Variants in IQGAP2 observed in about 807,000 individuals in gnomAD.
IQGAP2 encodes IQ motif containing GTPase activating protein 2.
A neutral mutation model predicts 201.3 loss-of-function variants in IQGAP2; 173 were observed. That is an observed-to-expected ratio of 0.86 (90% CI 0.76 to 0.98). The LOEUF (loss-of-function observed/expected upper bound fraction) is 0.98. Among genes scored for constraint, IQGAP2 ranks in the 50% least tolerant of loss-of-function variants. IQGAP2 has a pLI of 0.00. For synonymous variants in IQGAP2, 675 were observed against 673.9 expected, an observed-to-expected ratio of 1.00 and a Z score of -0.03; for missense variants, 1,687 against 1,864.8, an observed-to-expected ratio of 0.90 and a Z score of 1.76.
At chr5:76,533,882 T>C (rs1478098259) in intron 2 of IQGAP2, among the ~76,000 whole-genome samples, 1 of 152,204 alleles carries the variant, frequency 6.6e-6, no homozygotes, top group Non-Finnish European at 1.5e-5. Context: ...GATTTGTAAT[T>C]CTTTATATAT....
At chr5:76,591,239 A>G (rs1428245835) in intron 8 of IQGAP2, among the ~76,000 whole-genome samples, 1 of 152,238 alleles carries the variant, frequency 6.6e-6, no homozygotes, top group East Asian at 1.9e-4. Flanking sequence ...ACCTTACATT[A>G]GCCAAGTTAC....
At chr5:76,493,680 G>A (rs1756705412) in intron 2 of IQGAP2, among the ~76,000 whole-genome samples, 1 of 152,094 alleles carries the variant, frequency 6.6e-6, no homozygotes, top group Admixed American at 6.5e-5. Flanking sequence ...GCTCTTTAAG[G>A]CAGGAATCAG....
At chr5:76,573,691 A>G (rs976730036) in intron 4 of IQGAP2, among the ~76,000 whole-genome samples, 9 of 152,092 alleles carry the variant, frequency 5.9e-5, no homozygotes, top group African/African-American at 2.2e-4. Flanking sequence ...GGCTCACTGC[A>G]ATCTTCGCCT....
At chr5:76,547,919 T>C (rs1273788057) in intron 2 of IQGAP2, among the ~76,000 whole-genome samples, 1 of 152,214 alleles carries the variant, frequency 6.6e-6, no homozygotes, top group Non-Finnish European at 1.5e-5. Flanking sequence ...CTGGAAGACA[T>C]TGGATCTCAT....
At position 76,695,445 on chromosome 5, in the gene IQGAP2, T is replaced by G; in HGVS notation, c.3994-9T>G. ...GAGAAAACTCAGCATCTTGATATTC[T>G]CTTTTCAGGAGGTAGACCATGCCAC... On this transcript the variant is annotated splice_polypyrimidine_tract_variant and intron_variant, in intron 31 of 35. Transcript: ENST00000274364. 6.2e-7 allele frequency: 1 copy of G among 1,611,784 alleles called. No homozygotes were observed. The highest frequency in any genetic ancestry group is 1.1e-5 in the South Asian group (1 of 91,008).
At position 76,441,808 on chromosome 5, in the gene IQGAP2, C is replaced by T. The variant is rs944933255; in HGVS notation, c.47-19762C>T. 9.9e-5 allele frequency among the ~76,000 whole-genome samples: 15 copies of T among 152,272 alleles called. No homozygotes were observed. In the South Asian group the frequency reaches 1.2e-3, roughly 13 times the overall value. On this transcript the variant is annotated intron_variant, in intron 1 of 35. Coordinates refer to ENST00000274364, the MANE Select transcript of IQGAP2 (RefSeq NM_006633.5). ...GCAAGAATGAGAAATCCCCCTGTGC[C>T]ATCCATAAAGAGGGCATTCAAAGCC... is the stretch of plus-strand genomic sequence containing the variant.
intron 4 of IQGAP2, among the ~76,000 whole-genome samples, chr5:76,571,657 T>C (rs1286086880): frequency 2.0e-5 from 3 of 152,276 alleles, no homozygotes; most frequent in Middle Eastern, 3.4e-3. Flanking sequence ...GTGGAGGAAA[T>C]GAGGAAATAA....
intron 13 of IQGAP2, among the ~76,000 whole-genome samples, chr5:76,623,936 C>CTTTTTTTTTTTTTTTTTTTTT (rs368076875): frequency 3.0e-5 from 3 of 100,782 alleles, no homozygotes; most frequent in Non-Finnish European, 5.6e-5. Context: ...TTTGTTCAGG[C>CTTTTTTTTTTTTTTTTTTTTT]TTTTTTTTTT....
intron 2 of IQGAP2, among the ~76,000 whole-genome samples, chr5:76,520,674 G>A (rs1758614521): frequency 6.8e-6 from 1 of 147,706 alleles, no homozygotes. Flanking sequence ...AGATCTTCAA[G>A]TCCATGAACA....
At chr5:76,566,486 A>G (rs1262046139) in intron 3 of IQGAP2, among the ~76,000 whole-genome samples, 1 of 152,138 alleles carries the variant, frequency 6.6e-6, no homozygotes, top group Middle Eastern at 3.2e-3. Flanking sequence ...GTGGTGGAAG[A>G]TGAGGCCAGG....
At chr5:76,598,292 C>G (rs1747181271) in intron 10 of IQGAP2, among the ~76,000 whole-genome samples, 1 of 152,032 alleles carries the variant, frequency 6.6e-6, no homozygotes, top group Non-Finnish European at 1.5e-5. Flanking sequence ...AAATTTTCAA[C>G]ATAAAATGTT....
At position 76,461,654 on chromosome 5, in the gene IQGAP2, T is replaced by G; in HGVS notation, c.131T>G (p.Leu44Ter). 6.2e-7 allele frequency: 1 copy of G among 1,612,854 alleles called. No homozygotes were observed. Among genetic ancestry groups the G allele is most frequent in the Non-Finnish European group, 8.5e-7 (1 of 1,178,866 alleles). Residue 44 changes from leucine to a stop codon, truncating the protein, a stop_gained, in exon 2 of 36, where the codon TTA (leucine) becomes TGA (stop). Coordinates refer to ENST00000274364, the MANE Select transcript of IQGAP2 (RefSeq NM_006633.5). LOFTEE classifies it high-confidence loss of function. ...QNIAYEYLCH[L>*]EEAKRWMEVC... Reference sequence around the variant, plus strand: ...ATTGCTTATGAATATCTGTGCCACTTAGAGGAAGCCAAAAGGTAAGATCCA... The same window carrying G: ...ATTGCTTATGAATATCTGTGCCACTGAGAGGAAGCCAAAAGGTAAGATCCA...
chr5:76,679,883 A>G (rs1745131966), intron 28 of IQGAP2, among the ~76,000 whole-genome samples: 1 of 152,246 alleles, frequency 6.6e-6, no homozygotes, highest in African/African-American at 2.4e-5. Context: ...ACTATAGTGA[A>G]AAACTAGCCT....
rs181505471 is a variant in IQGAP2, at chr5:76,668,598, A to G, written c.2680-83A>G. On this transcript the variant is annotated intron_variant, in intron 22 of 35. Transcript: ENST00000274364. ...TTAAGTCATTGAAGAGCAGGGAATC[A>G]GATACTGCTTTGTGCTTTAATAATA... The G allele has an allele frequency of 8.2e-6, 9 of 1,091,232 alleles. No homozygotes were observed. In the Admixed American group the frequency reaches 2.1e-4, roughly 26 times the overall value. 67.6% of individuals were successfully genotyped at this position (1,091,232 alleles called of 1,614,324 possible). A position where few individuals can be genotyped will look rare whatever the true frequency, so the allele number is the denominator to read the frequency against.
chr5:76,637,028 C>T lies in IQGAP2; in HGVS notation c.1781-6C>T, dbSNP rs374703790. On this transcript the variant is annotated splice_polypyrimidine_tract_variant and splice_region_variant and intron_variant, in intron 15 of 35. Coordinates refer to ENST00000274364, the MANE Select transcript of IQGAP2 (RefSeq NM_006633.5). ...TGTGTAGAATTTAACAAACTTTTTT[C>T]TTTAGTGTCTAGTGACGGTTCATGG... 3 of 1,587,620 alleles carry T rather than the reference C, an allele frequency of 1.9e-6. No individual in the cohort carries two copies. The highest frequency in any genetic ancestry group is 1.4e-5 in the African/African-American group (1 of 73,332).
At chr5:76,629,407 C>T (rs1750518474) in intron 14 of IQGAP2, among the ~76,000 whole-genome samples, 1 of 152,146 alleles carries the variant, frequency 6.6e-6, no homozygotes, top group African/African-American at 2.4e-5. Flanking sequence ...TATGTTACCA[C>T]CAGCAAAATT....
chr5:76,491,555 C>T (rs1190099098), intron 2 of IQGAP2, among the ~76,000 whole-genome samples: 1 of 152,100 alleles, frequency 6.6e-6, no homozygotes, highest in Non-Finnish European at 1.5e-5. Flanking sequence ...CCTCCCACCT[C>T]GGCCTCCCAA....
At chr5:76,433,150 T>G (rs1264145892) in intron 1 of IQGAP2, among the ~76,000 whole-genome samples, 2 of 152,244 alleles carry the variant, frequency 1.3e-5, no homozygotes, top group Non-Finnish European at 2.9e-5. Flanking sequence ...TCACGTTTAC[T>G]CTGATGGTTA....
intron 5 of IQGAP2, among the ~76,000 whole-genome samples, chr5:76,584,176 A>T (rs962251240): frequency 6.6e-6 from 1 of 152,130 alleles, no homozygotes; most frequent in Non-Finnish European, 1.5e-5. Flanking sequence ...CCAGCCGAGA[A>T]AAATATTTTT....
Sources: gnomAD v4.1 joint callset for allele counts (sites outside exome capture counted in the v4.1 genomes callset) on GRCh38, gnomAD v4.1.1 for gene constraint, MANE v1.5 for transcripts, NCBI Gene and HGNC (gene_info 2026-07-23, HGNC 2026-07-21) for gene names.